The following SLC41A2 variants were observed in gnomAD, a reference collection of about 807,000 sequenced individuals.
SLC41A2 encodes SLC41A1-like 1.
Under a neutral mutation model 58.3 loss-of-function variants are expected in SLC41A2, and 32 were observed. The ratio of observed to expected loss-of-function variants is 0.55; its 90% CI spans 0.41 to 0.74. SLC41A2 has a LOEUF of 0.74. Among genes scored for constraint, SLC41A2 ranks in the 30% least tolerant of loss-of-function variants. The pLI is 0.00. For synonymous variants in SLC41A2, 190 were observed against 235.0 expected, an observed-to-expected ratio of 0.81 and a Z score of 1.75; for missense variants, 514 against 680.6, an observed-to-expected ratio of 0.76 and a Z score of 2.72.
chr12:104,916,735 A>G (rs1212263377), intron 2 of SLC41A2, among the ~76,000 whole-genome samples: 1 of 152,242 alleles, frequency 6.6e-6, no homozygotes, highest in Non-Finnish European at 1.5e-5. Context: ...AGAATTTCCT[A>G]TTTAATAAAT....
intron 10 of SLC41A2, among the ~76,000 whole-genome samples, chr12:104,810,785 A>G (rs12321429): frequency 0.02 from 3,013 of 152,296 alleles, 92 homozygotes; most frequent in African/African-American, 0.069. Flanking sequence ...TAATCCTCTG[A>G]CATATAAAAA....
intron 4 of SLC41A2, among the ~76,000 whole-genome samples, chr12:104,894,713 G>A (rs1294774338): frequency 6.6e-6 from 1 of 152,130 alleles, no homozygotes; most frequent in East Asian, 1.9e-4. Context: ...AGTCTTAGGG[G>A]TAGGAGAGGG....
chr12:104,827,699 C>T (rs560523840), intron 10 of SLC41A2, among the ~76,000 whole-genome samples: 2 of 152,276 alleles, frequency 1.3e-5, no homozygotes, highest in Non-Finnish European at 2.9e-5. Flanking sequence ...GCAACCGAAG[C>T]CTTGGACGAT....
intron 6 of SLC41A2, among the ~76,000 whole-genome samples, chr12:104,876,089 C>T (rs543494430): frequency 9.9e-5 from 15 of 152,202 alleles, no homozygotes; most frequent in African/African-American, 2.6e-4. Context: ...ATTGTTCAAT[C>T]GTCTCTAGTG....
chr12:104,855,133 AT>A (rs1168983022), intron 8 of SLC41A2, among the ~76,000 whole-genome samples: 1 of 152,180 alleles, frequency 6.6e-6, no homozygotes, highest in Non-Finnish European at 1.5e-5. Flanking sequence ...TGTCATTCTA[AT>A]TCTTTTCTTT....
intron 10 of SLC41A2, among the ~76,000 whole-genome samples, chr12:104,824,766 C>T (rs529924899): frequency 2.5e-4 from 38 of 152,258 alleles, no homozygotes; most frequent in African/African-American, 9.1e-4. Flanking sequence ...TGTATGCTCC[C>T]CTAGAGGTTT....
chr12:104,812,876 A>T (rs2041235239), intron 10 of SLC41A2, among the ~76,000 whole-genome samples: 1 of 152,046 alleles, frequency 6.6e-6, no homozygotes. Flanking sequence ...AAAAAAAAAA[A>T]TTAAGAAATT....
intron 3 of SLC41A2, among the ~76,000 whole-genome samples, chr12:104,898,736 T>C (rs1033933745): frequency 1.3e-5 from 2 of 152,068 alleles, no homozygotes; most frequent in African/African-American, 2.4e-5. Context: ...AAAAGAAATA[T>C]CTAATAAAGG....
chr12:104,945,013 A>G (rs2047657760), intron 1 of SLC41A2, among the ~76,000 whole-genome samples: 1 of 151,804 alleles, frequency 6.6e-6, no homozygotes, highest in Non-Finnish European at 1.5e-5. Flanking sequence ...TCTAATAAAA[A>G]TACAAAAATT....
chr12:104,942,329 T>C (rs968785326), intron 1 of SLC41A2, among the ~76,000 whole-genome samples: 2 of 151,898 alleles, frequency 1.3e-5, no homozygotes, highest in Admixed American at 1.3e-4. Context: ...AATACAAAAA[T>C]TAGCCAGGCA....
At chr12:104,814,952 T>G (rs1379274649) in intron 10 of SLC41A2, among the ~76,000 whole-genome samples, 2 of 152,226 alleles carry the variant, frequency 1.3e-5, no homozygotes, top group African/African-American at 2.4e-5. Flanking sequence ...GCTAAGAAAT[T>G]TCATTGTCAA....
chr12:104,896,066 T>C (rs761342193), intron 3 of SLC41A2, among the ~76,000 whole-genome samples: 2 of 152,178 alleles, frequency 1.3e-5, no homozygotes, highest in Non-Finnish European at 2.9e-5. Flanking sequence ...TTAGTAAAAA[T>C]ACTGAGTTGC....
chr12:104,851,367 C>G (rs1008538016), intron 8 of SLC41A2, among the ~76,000 whole-genome samples: 3 of 151,790 alleles, frequency 2.0e-5, no homozygotes, highest in African/African-American at 4.8e-5. Flanking sequence ...GGTGCCCATT[C>G]TATTTATTTA....
chr12:104,947,193 TC>T (rs768464637), intron 1 of SLC41A2, among the ~76,000 whole-genome samples: 6,330 of 112,008 alleles, frequency 0.057, 2,323 homozygotes, highest in East Asian at 0.24. Context: ...TTTATTTTTG[TC>T]CTTTTTTTTT....
intron 1 of SLC41A2, among the ~76,000 whole-genome samples, chr12:104,943,537 C>T (rs1370171471): frequency 6.6e-6 from 1 of 152,192 alleles, no homozygotes; most frequent in Admixed American, 6.5e-5. Flanking sequence ...CTAAGATCTA[C>T]CACGGACCCC....
At chr12:104,948,374 C>T (rs1484199314) in intron 1 of SLC41A2, among the ~76,000 whole-genome samples, 11 of 152,174 alleles carry the variant, frequency 7.2e-5, no homozygotes, top group African/African-American at 2.4e-4. Flanking sequence ...AAACTCTAAT[C>T]AGTAAGTCCT....
At chr12:104,882,138 C>T (rs1490225135) in intron 6 of SLC41A2, among the ~76,000 whole-genome samples, 1 of 151,814 alleles carries the variant, frequency 6.6e-6, no homozygotes, top group African/African-American at 2.4e-5. Context: ...GGATTGCAAC[C>T]CCTGCTTTTT....
intron 1 of SLC41A2, among the ~76,000 whole-genome samples, chr12:104,946,291 G>A (rs73383473): frequency 0.044 from 6,684 of 152,106 alleles, 324 homozygotes; most frequent in East Asian, 0.15. Flanking sequence ...TAGAGACATT[G>A]TCTCACTCTA....
intron 2 of SLC41A2, among the ~76,000 whole-genome samples, chr12:104,914,327 T>C (rs2046219280): frequency 6.6e-6 from 1 of 152,212 alleles, no homozygotes; most frequent in South Asian, 2.1e-4. Context: ...TTTACAACCA[T>C]AATTATTTAC....
Sources: gnomAD v4.1 joint callset for allele counts (sites outside exome capture counted in the v4.1 genomes callset) on GRCh38, gnomAD v4.1.1 for gene constraint, MANE v1.5 for transcripts, NCBI Gene and HGNC (gene_info 2026-07-23, HGNC 2026-07-21) for gene names.